Variants in FOXP1 observed in about 807,000 individuals in gnomAD.
FOXP1 encodes the protein forkhead box P1, also known as forkhead box protein P1.
A neutral mutation model predicts 98.2 loss-of-function variants in FOXP1; 15 were observed. The ratio of observed to expected loss-of-function variants is 0.15; its 90% CI spans 0.10 to 0.24. The LOEUF is 0.24. Ranked by LOEUF, FOXP1 falls within the 10% of genes least tolerant of loss-of-function variation. The pLI is 1.00. For synonymous variants in FOXP1, 371 were observed against 314.5 expected, an observed-to-expected ratio of 1.18 and a Z score of -1.90; for missense variants, 633 against 848.5, an observed-to-expected ratio of 0.75 and a Z score of 3.15.
intron 2 of FOXP1, among the ~76,000 whole-genome samples, chr3:71,545,105 TA>T (rs34770797): frequency 0.11 from 16,013 of 145,944 alleles, 1,296 homozygotes; most frequent in African/African-American, 0.23. Flanking sequence ...ATTTTTTTTT[TA>T]TTAAAAATAA....
intron 14 of FOXP1, among the ~76,000 whole-genome samples, chr3:70,981,191 C>CAAAAAAAAAA (rs71104406): frequency 5.0e-5 from 3 of 59,972 alleles, no homozygotes; most frequent in East Asian, 5.8e-4. Context: ...CTCTTTCTAC[C>CAAAAAAAAAA]AAAAAAAAAA....
intron 5 of FOXP1, among the ~76,000 whole-genome samples, chr3:71,286,614 T>C (rs1293419215): frequency 6.6e-6 from 1 of 152,168 alleles, no homozygotes. Context: ...TGGCTCTCCT[T>C]TGAAAGATAC....
chr3:71,542,411 G>A (rs1015384327), intron 2 of FOXP1, among the ~76,000 whole-genome samples: 1 of 152,212 alleles, frequency 6.6e-6, no homozygotes, highest in African/African-American at 2.4e-5. Context: ...CAAGAGGGGT[G>A]GGGGAGCAGA....
chr3:71,182,619 C>G (rs1278746895), intron 6 of FOXP1, among the ~76,000 whole-genome samples: 1 of 150,920 alleles, frequency 6.6e-6, no homozygotes, highest in Non-Finnish European at 1.5e-5. Context: ...GTCTCAGCCT[C>G]CTGGGGCTCA....
At chr3:71,016,774 G>C (rs767257995) in intron 11 of FOXP1, among the ~76,000 whole-genome samples, 2 of 151,774 alleles carry the variant, frequency 1.3e-5, no homozygotes, top group Admixed American at 1.3e-4. Context: ...TACATTCATA[G>C]AGCATATGTA....
intron 10 of FOXP1, among the ~76,000 whole-genome samples, chr3:71,041,737 C>T (rs1367179250): frequency 1.3e-5 from 2 of 152,066 alleles, no homozygotes; most frequent in Non-Finnish European, 2.9e-5. Flanking sequence ...AAGTTGCCCT[C>T]ATCGCACATA....
At chr3:70,988,179 C>T in intron 13 of FOXP1, 102 bp from the exon 14 acceptor site, 1 of 1,031,816 alleles carries the variant, frequency 9.7e-7, no homozygotes, top group Non-Finnish European at 1.5e-6. Flanking sequence ...CACCACAGCA[C>T]ATGATAAAAT....
intron 2 of FOXP1, among the ~76,000 whole-genome samples, chr3:71,558,630 G>C (rs1210392062): frequency 6.7e-6 from 1 of 149,676 alleles, no homozygotes; most frequent in Non-Finnish European, 1.5e-5. Context: ...AAGTAGCTGG[G>C]ACCACAGGCA....
intron 5 of FOXP1, among the ~76,000 whole-genome samples, chr3:71,295,350 A>G (rs1477140193): frequency 6.6e-6 from 1 of 152,250 alleles, no homozygotes; most frequent in Admixed American, 6.5e-5. Context: ...AAAGGAACTT[A>G]TATTTCAAAT....
At chr3:71,135,234 G>A (rs1397701289) in intron 6 of FOXP1, among the ~76,000 whole-genome samples, 13 of 140,422 alleles carry the variant, frequency 9.3e-5, no homozygotes, top group African/African-American at 3.0e-4. Context: ...ACTTCAGCCC[G>A]GCAACAGTGA....
intron 4 of FOXP1, among the ~76,000 whole-genome samples, chr3:71,307,680 C>T (rs549799848): frequency 6.6e-6 from 1 of 152,308 alleles, no homozygotes; most frequent in Admixed American, 6.5e-5. Flanking sequence ...GAGAAAGCTT[C>T]TGTCCATCCC....
intron 4 of FOXP1, chr3:71,334,952 A>T (rs975039708): frequency 1.3e-5 from 2 of 152,204 alleles, no homozygotes; most frequent in Admixed American, 6.5e-5. Flanking sequence ...GAAAATGCAA[A>T]TCTAATACAA....
chr3:71,399,859 T>C (rs973788671), intron 3 of FOXP1, among the ~76,000 whole-genome samples: 9 of 152,216 alleles, frequency 5.9e-5, no homozygotes, highest in African/African-American at 2.2e-4. Context: ...TACAAATGGC[T>C]CTACGAATCA....
intron 3 of FOXP1, among the ~76,000 whole-genome samples, chr3:71,431,898 T>A (rs545675926): frequency 3.6e-4 from 55 of 152,300 alleles, no homozygotes; most frequent in African/African-American, 1.3e-3. Flanking sequence ...GTGATTTTTT[T>A]AAAAAGACTA....
intron 11 of FOXP1, among the ~76,000 whole-genome samples, chr3:71,017,755 A>T (rs1261154459): frequency 2.0e-5 from 3 of 152,132 alleles, no homozygotes; most frequent in African/African-American, 7.2e-5. Context: ...TTTGTAGATA[A>T]TGTTAGAAAT....
intron 6 of FOXP1, among the ~76,000 whole-genome samples, chr3:71,133,830 G>GTA (rs1469834237): frequency 1.3e-5 from 2 of 151,768 alleles, no homozygotes; most frequent in East Asian, 1.9e-4. Flanking sequence ...ATATGTGTGT[G>GTA]TGTGATGTTT....
At chr3:71,391,843 T>C (rs1409875146) in intron 3 of FOXP1, among the ~76,000 whole-genome samples, 3 of 152,190 alleles carry the variant, frequency 2.0e-5, no homozygotes, top group Admixed American at 6.5e-5. Flanking sequence ...TGCTGCTCTC[T>C]CTCTGTGCTG....
chr3:71,449,405 TTG>T (rs1359654664), intron 3 of FOXP1, among the ~76,000 whole-genome samples: 1 of 152,068 alleles, frequency 6.6e-6, no homozygotes, highest in African/African-American at 2.4e-5. Flanking sequence ...TTTCATGCAT[TTG>T]TGTGTGTGTG....
chr3:71,457,474 T>C (rs1216651128), intron 3 of FOXP1, among the ~76,000 whole-genome samples: 1 of 152,182 alleles, frequency 6.6e-6, no homozygotes, highest in Non-Finnish European at 1.5e-5. Flanking sequence ...ATCCAAGTCC[T>C]TGAGGGGTTG....
Sources: allele counts gnomAD v4.1 joint callset (sites outside exome capture counted in the v4.1 genomes callset), GRCh38; gene constraint gnomAD v4.1.1; transcripts MANE v1.5; gene names NCBI Gene and HGNC (gene_info 2026-07-23, HGNC 2026-07-21).